The following EYS variants were observed in gnomAD, a reference collection of about 807,000 sequenced individuals.
The protein encoded by EYS is EGF-like photoreceptor maintenance factor.
In EYS, 250 loss-of-function variants were observed where a neutral mutation model predicts 282.1. The observed-to-expected ratio is 0.89, with a 90% CI of 0.80 to 0.98. The LOEUF (loss-of-function observed/expected upper bound fraction) is 0.98, where lower values mean the gene tolerates loss of function less well. Ranked by LOEUF, EYS falls within the 50% of genes least tolerant of loss-of-function variation. The probability of loss-of-function intolerance (pLI) is 0.00; values close to 1 mark genes in which losing one functional copy is unlikely to be tolerated. For synonymous variants in EYS, 1,355 were observed against 1,282.9 expected (o/e 1.06, Z -1.20); for missense variants, 4,016 against 3,709.0 (o/e 1.08, Z -2.15).
intron 12 of EYS, among the ~76,000 whole-genome samples, chr6:65,261,341 A>T (rs1767615664): frequency 6.6e-6 from 1 of 151,942 alleles, no homozygotes; most frequent in Non-Finnish European, 1.5e-5. Context: ...TAATTTTTAC[A>T]TCTCATCCAA....
intron 29 of EYS, among the ~76,000 whole-genome samples, chr6:64,361,747 C>T (rs1333923614): frequency 1.3e-5 from 2 of 151,674 alleles, no homozygotes; most frequent in East Asian, 1.9e-4. Flanking sequence ...CACTTACATA[C>T]ACATATAATT....
chr6:64,788,911 A>C (rs1311748360), intron 22 of EYS, among the ~76,000 whole-genome samples: 1 of 152,188 alleles, frequency 6.6e-6, no homozygotes, highest in Non-Finnish European at 1.5e-5. Context: ...TTGTAGTGGT[A>C]AAGATGTGTT....
intron 5 of EYS, among the ~76,000 whole-genome samples, chr6:65,455,784 A>C (rs1764583627): frequency 1.3e-5 from 2 of 152,128 alleles, no homozygotes; most frequent in African/African-American, 4.8e-5. Flanking sequence ...AGAGAAGCTC[A>C]GGGTCTAATG....
At position 65,495,863 on chromosome 6, in the gene EYS, G is replaced by GAGA; in HGVS notation, c.-203_-202insTCT. 2 of 171,640 alleles carry GAGA rather than the reference G, an allele frequency of 1.2e-5. No individual in the cohort carries two copies. The highest frequency in any genetic ancestry group is 1.4e-4 in the South Asian group (1 of 7,380). 10.6% of individuals were successfully genotyped at this position (171,640 alleles called of 1,614,324 possible). ...ATAATTAAGCCAGCAACTTACTGCG[G>GAGA]TCTTTTGTGTTTTCTCTTTACACCA... On this transcript the variant is annotated 5_prime_UTR_variant, in exon 3 of 43. Transcript: ENST00000503581.
At chr6:65,357,579 T>C (rs1361763049) in intron 8 of EYS, among the ~76,000 whole-genome samples, 4 of 152,016 alleles carry the variant, frequency 2.6e-5, no homozygotes, top group Non-Finnish European at 5.9e-5. Flanking sequence ...GAACCAGATT[T>C]CCAGTTGATA....
intron 28 of EYS, among the ~76,000 whole-genome samples, chr6:64,412,170 T>C (rs1773923179): frequency 6.6e-6 from 1 of 151,952 alleles, no homozygotes; most frequent in Non-Finnish European, 1.5e-5. Context: ...AAATTTTGCC[T>C]ATACACAGAA....
At chr6:65,381,872 T>G (rs1562138607) in intron 8 of EYS, among the ~76,000 whole-genome samples, 1 of 152,002 alleles carries the variant, frequency 6.6e-6, no homozygotes, top group Non-Finnish European at 1.5e-5. Flanking sequence ...CAGAATTTTA[T>G]GATTTCTGAT....
chr6:65,654,241 C>T (rs1430667360), intron 1 of EYS, among the ~76,000 whole-genome samples: 1 of 151,726 alleles, frequency 6.6e-6, no homozygotes, highest in African/African-American at 2.4e-5. Context: ...CAGAAATAGC[C>T]TATGAATTCA....
intron 33 of EYS, among the ~76,000 whole-genome samples, chr6:64,025,175 A>T (rs1175356360): frequency 1.3e-5 from 2 of 152,136 alleles, no homozygotes; most frequent in Non-Finnish European, 2.9e-5. Context: ...GCCGGACTAA[A>T]GACACGGGTG....
At chr6:64,253,900 C>T (rs1359847608) in intron 30 of EYS, among the ~76,000 whole-genome samples, 1 of 152,104 alleles carries the variant, frequency 6.6e-6, no homozygotes, top group Non-Finnish European at 1.5e-5. Flanking sequence ...GTGAAGCCAT[C>T]AGTTGTGACT....
intron 31 of EYS, among the ~76,000 whole-genome samples, chr6:64,089,714 T>C (rs1772289093): frequency 6.6e-6 from 1 of 152,074 alleles, no homozygotes; most frequent in Non-Finnish European, 1.5e-5. Flanking sequence ...TAAGTGCTGA[T>C]AAAAATTTAC....
chr6:64,899,585 C>T (rs1404047160), intron 18 of EYS, among the ~76,000 whole-genome samples: 1 of 151,904 alleles, frequency 6.6e-6, no homozygotes, highest in East Asian at 1.9e-4. Context: ...AATAGACAAA[C>T]ATTAATAGAC....
chr6:65,327,569 C>T (rs1364994545), intron 11 of EYS, among the ~76,000 whole-genome samples: 37 of 151,502 alleles, frequency 2.4e-4, no homozygotes, highest in Non-Finnish European at 4.7e-4. Context: ...CCAATATTTT[C>T]TATTAATAGT....
chr6:64,388,882 AT>A (rs1487357564), intron 28 of EYS, 42 bp from the exon 29 acceptor site: 4 of 1,229,950 alleles, frequency 3.3e-6, no homozygotes, highest in Non-Finnish European at 4.4e-6. Flanking sequence ...TATAAGTCAT[AT>A]AAACATTTAT....
chr6:65,121,763 A>G (rs1204574575), intron 12 of EYS, among the ~76,000 whole-genome samples: 1 of 152,140 alleles, frequency 6.6e-6, no homozygotes, highest in Non-Finnish European at 1.5e-5. Context: ...TGCCATAGTG[A>G]TTTGGAATTT....
intron 9 of EYS, 62 bp from the exon 10 acceptor site, chr6:65,344,239 T>TC: frequency 1.5e-6 from 2 of 1,322,778 alleles, no homozygotes; most frequent in South Asian, 1.2e-5. Flanking sequence ...CAGAATGAAT[T>TC]ATTAAGGACT....
intron 13 of EYS, among the ~76,000 whole-genome samples, chr6:65,054,341 T>C (rs1773355315): frequency 6.6e-6 from 1 of 152,028 alleles, no homozygotes. Context: ...TACTCTTCCA[T>C]CTTCTGGCTT....
At position 65,362,542 on chromosome 6, in the gene EYS, ATATG is replaced by A. The variant is rs942065002; in HGVS notation, c.1300-8929_1300-8926del. ...ATGCATATACATTACATATATGCAT[ATATG>A]TATGTATACACATTACACATTATTA... On this transcript the variant is annotated intron_variant, in intron 8 of 42. Transcript: ENST00000503581. 6.3e-4 allele frequency among the ~76,000 whole-genome samples: 95 copies of A among 151,940 alleles called. 1 individual carries two copies. The highest frequency in any genetic ancestry group is 2.3e-3 in the African/African-American group (94 of 41,516).
intron 12 of EYS, among the ~76,000 whole-genome samples, chr6:65,117,080 G>A (rs1415105872): frequency 6.6e-6 from 1 of 152,158 alleles, no homozygotes; most frequent in Admixed American, 6.5e-5. Flanking sequence ...TCACTTTCAG[G>A]AAACATTTAA....
Sources: gnomAD v4.1 joint callset for allele counts (sites outside exome capture counted in the v4.1 genomes callset) on GRCh38, gnomAD v4.1.1 for gene constraint, MANE v1.5 for transcripts, NCBI Gene and HGNC (gene_info 2026-07-23, HGNC 2026-07-21) for gene names.